WWOX: variants seen among roughly 807,000 people sequenced by gnomAD.
The protein encoded by WWOX is WW domain-containing oxidoreductase.
A neutral mutation model predicts 46.2 loss-of-function variants in WWOX; 69 were observed. That is an observed-to-expected ratio of 1.49 (90% CI 1.23 to 1.82). WWOX has a LOEUF of 1.82. Among genes scored for constraint, WWOX ranks in the 40% most tolerant of loss-of-function variants. The probability of loss-of-function intolerance (pLI) is 0.00; values close to 1 mark genes in which losing one functional copy is unlikely to be tolerated. For synonymous variants in WWOX, 359 were observed against 202.6 expected (o/e 1.77, Z -6.56); for missense variants, 919 against 542.6 (o/e 1.69, Z -6.89).
At chr16:78,673,658 C>A (rs909817851) in intron 8 of WWOX, among the ~76,000 whole-genome samples, 1 of 152,146 alleles carries the variant, frequency 6.6e-6, no homozygotes, top group East Asian at 1.9e-4. Context: ...AAATTTGGAG[C>A]CACCATTACG....
At chr16:79,200,512 C>G (rs151296496) in intron 8 of WWOX, among the ~76,000 whole-genome samples, 428 of 152,260 alleles carry the variant, frequency 2.8e-3, no homozygotes, top group Non-Finnish European at 1.6e-3. Context: ...GCCTCTGTCT[C>G]CCCTCCACTA....
chr16:78,427,382 A>G (rs1445544887), intron 7 of WWOX, among the ~76,000 whole-genome samples: 1 of 152,180 alleles, frequency 6.6e-6, no homozygotes, highest in Non-Finnish European at 1.5e-5. Context: ...TAGTGAAATG[A>G]GAAGTTGACT....
chr16:78,758,949 A>T (rs374416505), intron 8 of WWOX, among the ~76,000 whole-genome samples: 2 of 151,892 alleles, frequency 1.3e-5, no homozygotes, highest in African/African-American at 4.8e-5. Flanking sequence ...AAAAAAAAAA[A>T]AACAAAAAAC....
rs188257624 is a variant in WWOX, at chr16:79,010,362, C to T, written c.1057-201246C>T. On this transcript the variant is annotated intron_variant, in intron 8 of 8. Coordinates refer to ENST00000566780, the MANE Select transcript of WWOX (RefSeq NM_016373.4). ...GGGACCAGGGCCTTTAACTCAGTGG[C>T]AGCTTCAGAGACAGATCTGGAACCC... Among the ~76,000 whole-genome samples the T allele has an allele frequency of 5.3e-5, 8 of 152,186 alleles. No individual in the cohort carries two copies. The East Asian group carries it at 1.6e-3, about 30-fold the overall frequency.
chr16:78,115,585 A>T (rs2032738277), intron 4 of WWOX, among the ~76,000 whole-genome samples: 1 of 152,208 alleles, frequency 6.6e-6, no homozygotes, highest in South Asian at 2.1e-4. Context: ...CACTGAGCAT[A>T]TCATTTTCTT....
At chr16:79,011,471 A>ATTTG (rs1366492586) in intron 8 of WWOX, among the ~76,000 whole-genome samples, 1 of 138,908 alleles carries the variant, frequency 7.2e-6, no homozygotes, top group Admixed American at 7.2e-5. Flanking sequence ...TTATTTATTT[A>ATTTG]TTTATTTATT....
intron 8 of WWOX, among the ~76,000 whole-genome samples, chr16:78,786,738 A>C (rs759141040): frequency 9.2e-5 from 14 of 152,220 alleles, no homozygotes; most frequent in Non-Finnish European, 1.5e-4. Flanking sequence ...TTTCCTTTAA[A>C]GAGCTTATCA....
intron 8 of WWOX, among the ~76,000 whole-genome samples, chr16:78,946,773 GC>G (rs11321131): frequency 0.095 from 14,339 of 151,408 alleles, 2,312 homozygotes; most frequent in African/African-American, 0.33. Flanking sequence ...TTGGCAGTGA[GC>G]CCCCGGGGGA....
intron 5 of WWOX, among the ~76,000 whole-genome samples, chr16:78,328,426 CAT>C: frequency 6.6e-6 from 1 of 152,240 alleles, no homozygotes. Flanking sequence ...GATGAAGAAT[CAT>C]AGATTTTTAT....
rs1442858282 is a variant in WWOX at position 79,212,448 on chromosome 16, TAAC to T, written c.*655_*657del. On this transcript the variant is annotated 3_prime_UTR_variant, in exon 9 of 9. Transcript: ENST00000566780. ...TATGCAAAAAATTCTTTAGAGATTA[TAAC>T]AAATTTTTCAAATCATTCCTTAGAT... is the stretch of plus-strand genomic sequence containing the variant. 7.5e-6 allele frequency: 2 copies of T among 265,872 alleles called. No individual in the cohort carries two copies. The highest frequency in any genetic ancestry group is 7.2e-6 in the Non-Finnish European group (1 of 139,396). The allele number at this position is 265,872 out of a possible 1,614,324, so 16.5% of individuals were successfully genotyped here.
intron 8 of WWOX, among the ~76,000 whole-genome samples, chr16:78,600,276 C>G (rs1343329156): frequency 6.6e-6 from 1 of 151,922 alleles, no homozygotes; most frequent in Non-Finnish European, 1.5e-5. Context: ...GGGACACAGC[C>G]AAACCATATC....
At chr16:78,769,533 A>C (rs61477830) in intron 8 of WWOX, among the ~76,000 whole-genome samples, 36 of 680 alleles carry the variant, frequency 0.053, 1 homozygote, top group South Asian at 0.5. Context: ...CCCCCACATT[A>C]TTTATTTATT....
intron 4 of WWOX, among the ~76,000 whole-genome samples, chr16:78,149,596 G>A (rs114150137): frequency 0.018 from 2,683 of 152,326 alleles, 81 homozygotes; most frequent in African/African-American, 0.061. Context: ...GCACTGGTAG[G>A]CTGTTGATGA....
At chr16:79,122,710 T>C (rs369709602) in intron 8 of WWOX, among the ~76,000 whole-genome samples, 5 of 152,314 alleles carry the variant, frequency 3.3e-5, no homozygotes, top group East Asian at 3.9e-4. Context: ...CTAGGATAAC[T>C]GAGGTAAAAT....
At chr16:78,807,799 T>C (rs2051082412) in intron 8 of WWOX, among the ~76,000 whole-genome samples, 1 of 152,240 alleles carries the variant, frequency 6.6e-6, no homozygotes, top group Non-Finnish European at 1.5e-5. Context: ...TAGCCACATG[T>C]GGCTATTTAA....
chr16:78,813,978 A>G (rs945806097), intron 8 of WWOX, among the ~76,000 whole-genome samples: 26 of 152,122 alleles, frequency 1.7e-4, no homozygotes, highest in African/African-American at 5.6e-4. Context: ...TATAGGTTCT[A>G]TTATATCTCC....
chr16:79,171,026 AT>A (rs1394746776), intron 8 of WWOX, among the ~76,000 whole-genome samples: 2 of 152,234 alleles, frequency 1.3e-5, no homozygotes, highest in Non-Finnish European at 2.9e-5. Context: ...AGACCAAAGG[AT>A]TAGTCAGCCT....
intron 8 of WWOX, among the ~76,000 whole-genome samples, chr16:78,606,293 A>T (rs1003398299): frequency 6.6e-6 from 1 of 152,194 alleles, no homozygotes; most frequent in Non-Finnish European, 1.5e-5. Flanking sequence ...TAGCACATTT[A>T]AAATTTTACA....
At chr16:78,606,366 A>C (rs932320280) in intron 8 of WWOX, among the ~76,000 whole-genome samples, 2 of 152,150 alleles carry the variant, frequency 1.3e-5, no homozygotes, top group African/African-American at 4.8e-5. Flanking sequence ...TAGAAGTACA[A>C]AGGAAACGGT....
Sources: gnomAD v4.1 joint callset for allele counts (sites outside exome capture counted in the v4.1 genomes callset) on GRCh38, gnomAD v4.1.1 for gene constraint, MANE v1.5 for transcripts, NCBI Gene and HGNC (gene_info 2026-07-23, HGNC 2026-07-21) for gene names.